PLCL1: variants seen among roughly 807,000 people sequenced by gnomAD.
The protein encoded by PLCL1 is phospholipase C like 1 (inactive), also known as inactive phospholipase C-like protein 1.
PLCL1 carries 41 observed loss-of-function variants against 84.4 expected under a neutral mutation model. The observed-to-expected ratio is 0.49, with a 90% CI of 0.38 to 0.63. PLCL1 has a LOEUF of 0.63. PLCL1 is among the 30% of genes least tolerant of loss of function. The probability of loss-of-function intolerance (pLI) is 0.00; values close to 1 mark genes in which losing one functional copy is unlikely to be tolerated. For synonymous variants in PLCL1, 490 were observed against 488.3 expected (o/e 1.00, Z -0.05); for missense variants, 1,206 against 1,367.8 (o/e 0.88, Z 1.87).
chr2:198,063,365 G>A (rs1370188071), intron 1 of PLCL1, among the ~76,000 whole-genome samples: 5 of 152,128 alleles, frequency 3.3e-5, no homozygotes, highest in African/African-American at 1.2e-4. Flanking sequence ...GGTCTGCACA[G>A]TAATAACTGT....
intron 1 of PLCL1, among the ~76,000 whole-genome samples, chr2:197,996,658 A>G (rs1690472943): frequency 6.6e-6 from 1 of 152,144 alleles, no homozygotes; most frequent in Non-Finnish European, 1.5e-5. Flanking sequence ...TAGCAGCTAT[A>G]CTTCTGCAGA....
At chr2:197,962,602 C>T (rs545457818) in intron 1 of PLCL1, among the ~76,000 whole-genome samples, 7 of 152,004 alleles carry the variant, frequency 4.6e-5, no homozygotes, top group African/African-American at 1.7e-4. Context: ...TACAATGGTC[C>T]AATTATACTT....
intron 3 of PLCL1, among the ~76,000 whole-genome samples, chr2:198,094,732 C>T (rs777588426): frequency 5.3e-5 from 8 of 152,132 alleles, no homozygotes; most frequent in Middle Eastern, 3.4e-3. Flanking sequence ...CTGGGAGAAG[C>T]GAGAGATGGT....
At chr2:198,101,001 A>G (rs1273751826) in intron 3 of PLCL1, among the ~76,000 whole-genome samples, 2 of 152,070 alleles carry the variant, frequency 1.3e-5, no homozygotes, top group Non-Finnish European at 2.9e-5. Flanking sequence ...ATGACCTGGG[A>G]CATAAGGAAT....
rs78994962 is a variant in PLCL1 at position 197,866,888 on chromosome 2, C to T, written c.240+61549C>T. Among the ~76,000 whole-genome samples, 513 of 152,304 alleles carry T rather than the reference C, an allele frequency of 3.4e-3. 8 individuals carry two copies. Among genetic ancestry groups the T allele is most frequent in the African/African-American group, 0.012 (491 of 41,572 alleles). On this transcript the variant is annotated intron_variant, in intron 1 of 5. Coordinates refer to ENST00000428675, the MANE Select transcript of PLCL1 (RefSeq NM_006226.4). ...TTGTTATTACACTTCTATGCACTAC[C>T]TGGATTAACCCCATGGCGATCATCG...
intron 1 of PLCL1, among the ~76,000 whole-genome samples, chr2:198,077,183 A>T (rs1239332977): frequency 6.6e-6 from 1 of 151,836 alleles, no homozygotes; most frequent in Non-Finnish European, 1.5e-5. Flanking sequence ...CTTCCCTGGA[A>T]CCCTTTACTC....
At chr2:198,106,912 A>T (rs1423877040) in intron 5 of PLCL1, among the ~76,000 whole-genome samples, 1 of 151,786 alleles carries the variant, frequency 6.6e-6, no homozygotes, top group Non-Finnish European at 1.5e-5. Flanking sequence ...CCAGCCTGCA[A>T]TTTTTAACTC....
chr2:197,987,506 A>G (rs926942021), intron 1 of PLCL1, among the ~76,000 whole-genome samples: 1 of 152,188 alleles, frequency 6.6e-6, no homozygotes, highest in African/African-American at 2.4e-5. Flanking sequence ...TAGGGTACCT[A>G]CCTGACTCCT....
intron 1 of PLCL1, among the ~76,000 whole-genome samples, chr2:197,975,173 AAG>A (rs1689950282): frequency 6.6e-6 from 1 of 151,236 alleles, no homozygotes; most frequent in Non-Finnish European, 1.5e-5. Context: ...AAAAAAAAAA[AAG>A]AGTGATGCTT....
chr2:197,861,895 G>T (rs1687439530), intron 1 of PLCL1, among the ~76,000 whole-genome samples: 1 of 152,096 alleles, frequency 6.6e-6, no homozygotes, highest in Non-Finnish European at 1.5e-5. Flanking sequence ...AAGAAAGCTT[G>T]GTTTTGGAAT....
intron 1 of PLCL1, among the ~76,000 whole-genome samples, chr2:198,048,913 T>C (rs1490476577): frequency 6.6e-6 from 1 of 152,192 alleles, no homozygotes; most frequent in East Asian, 1.9e-4. Context: ...TATTCAGCAA[T>C]GAGCATGGTT....
Position 198,049,607 on chromosome 2 carries a change from G to A in PLCL1, c.241-34151G>A, listed in dbSNP as rs146459977. On this transcript the variant is annotated intron_variant, in intron 1 of 5. Coordinates refer to ENST00000428675, the MANE Select transcript of PLCL1 (RefSeq NM_006226.4). ...TAGGTGGTGCTGTCCAATACTCCAG[G>A]GTGTGGTGGTGGAGCTGGCAGAGGC... is the stretch of plus-strand genomic sequence containing the variant. 3.0e-3 allele frequency among the ~76,000 whole-genome samples: 452 copies of A among 152,200 alleles called. 3 individuals carry two copies. Among genetic ancestry groups the A allele is most frequent in the Non-Finnish European group, 3.6e-3 (244 of 68,000 alleles).
At chr2:198,059,815 A>T (rs1286852941) in intron 1 of PLCL1, among the ~76,000 whole-genome samples, 2 of 152,158 alleles carry the variant, frequency 1.3e-5, no homozygotes, top group Non-Finnish European at 2.9e-5. Context: ...AGGCAAACAG[A>T]GTAGGAAAGA....
At chr2:197,935,514 C>T in intron 1 of PLCL1, among the ~76,000 whole-genome samples, 1 of 152,080 alleles carries the variant, frequency 6.6e-6, no homozygotes, top group East Asian at 1.9e-4. Flanking sequence ...AATGCAGGAA[C>T]ATAAAACCAA....
chr2:197,989,636 G>A (rs951384940), intron 1 of PLCL1, among the ~76,000 whole-genome samples: 7 of 152,042 alleles, frequency 4.6e-5, no homozygotes, highest in Non-Finnish European at 7.4e-5. Flanking sequence ...CACAGGAGGC[G>A]GAGTTTGCTG....
intron 1 of PLCL1, among the ~76,000 whole-genome samples, chr2:197,967,343 C>T (rs1025090079): frequency 1.3e-5 from 2 of 152,038 alleles, no homozygotes; most frequent in Non-Finnish European, 2.9e-5. Context: ...ATTATAGGCA[C>T]GTGCCACCAC....
chr2:197,888,975 G>T (rs1003886680), intron 1 of PLCL1, among the ~76,000 whole-genome samples: 2 of 152,168 alleles, frequency 1.3e-5, no homozygotes, highest in Non-Finnish European at 2.9e-5. Flanking sequence ...CAAAATGTCA[G>T]TGGAAAAATT....
At chr2:198,115,249 T>A (rs568220566) in intron 5 of PLCL1, among the ~76,000 whole-genome samples, 3 of 151,994 alleles carry the variant, frequency 2.0e-5, no homozygotes, top group South Asian at 4.1e-4. Context: ...AATTAAAGTT[T>A]GGCCAAGTCC....
At chr2:198,038,074 A>G (rs1460909024) in intron 1 of PLCL1, among the ~76,000 whole-genome samples, 1 of 152,180 alleles carries the variant, frequency 6.6e-6, no homozygotes, top group Non-Finnish European at 1.5e-5. Context: ...TATGTATGCC[A>G]ATTTTTATTA....
Sources: allele counts gnomAD v4.1 joint callset (sites outside exome capture counted in the v4.1 genomes callset), GRCh38; gene constraint gnomAD v4.1.1; transcripts MANE v1.5; gene names NCBI Gene and HGNC (gene_info 2026-07-23, HGNC 2026-07-21).